The following KIFAP3 variants were observed in gnomAD, a reference collection of about 807,000 sequenced individuals.
KIFAP3 encodes kinesin associated protein 3, also known as kinesin-associated protein 3.
KIFAP3 carries 68 observed loss-of-function variants against 106.5 expected under a neutral mutation model. That is an observed-to-expected ratio of 0.64 (90% confidence interval 0.53 to 0.78). The LOEUF (loss-of-function observed/expected upper bound fraction) is 0.78. Among genes scored for constraint, KIFAP3 ranks in the 30% least tolerant of loss-of-function variants. KIFAP3 has a pLI of 0.00. For missense variants in KIFAP3, 780 were observed against 941.8 expected, an observed-to-expected ratio of 0.83 and a Z score of 2.25; for synonymous variants, 320 against 311.5, an observed-to-expected ratio of 1.03 and a Z score of -0.29.
At chr1:169,940,599 G>T (rs598763) in intron 19 of KIFAP3, among the ~76,000 whole-genome samples, 142,255 of 152,118 alleles carry the variant, frequency 0.94, 66,605 homozygotes, top group East Asian at 0.99. Context: ...GGGTTTGTGC[G>T]CCTATAAGAA....
chr1:170,005,874 A>AC (rs1667932705), intron 10 of KIFAP3, among the ~76,000 whole-genome samples: 1 of 151,886 alleles, frequency 6.6e-6, no homozygotes, highest in African/African-American at 2.4e-5. Flanking sequence ...AAAATTAAAA[A>AC]AAAAACCCTG....
upstream of KIFAP3, chr1:170,074,710 C>T (rs1360294): frequency 0.13 from 179,741 of 1,393,458 alleles, 15,725 homozygotes; most frequent in African/African-American, 0.34. Context: ...CGGGCCGTCA[C>T]GACGCATGCG....
At chr1:170,016,953 A>C (rs1454680539) in intron 9 of KIFAP3, among the ~76,000 whole-genome samples, 1 of 152,206 alleles carries the variant, frequency 6.6e-6, no homozygotes. Flanking sequence ...GCCTTCAAGG[A>C]TTCCTCAGTA....
In KIFAP3 at chr1:170,040,767, C is replaced by T. The variant is rs143162314; in HGVS notation, c.320-1479G>A. 1.8e-4 allele frequency among the ~76,000 whole-genome samples: 28 copies of T among 151,912 alleles called. No homozygotes were observed. In the East Asian group the frequency reaches 5.0e-3, roughly 27 times the overall value. ...CCCTTGATAATATTTTCCTTATCTA[C>T]GTAGTACTTAACTGAATGCCAACTA... On this transcript the variant is annotated intron_variant, in intron 3 of 19. Transcript: ENST00000361580.
intron 17 of KIFAP3, among the ~76,000 whole-genome samples, chr1:169,968,058 C>T (rs1047702125): frequency 1.3e-5 from 2 of 151,806 alleles, no homozygotes; most frequent in African/African-American, 4.8e-5. Flanking sequence ...ACAAGGAGTA[C>T]ACCCTGGTGT....
chr1:169,951,551 G>A (rs1664732177), intron 19 of KIFAP3, among the ~76,000 whole-genome samples: 1 of 151,798 alleles, frequency 6.6e-6, no homozygotes, highest in African/African-American at 2.4e-5. Context: ...ACAGAATGGA[G>A]GAATAAAATG....
rs138348313 is a variant in KIFAP3 at position 169,930,010 on chromosome 1, T to G, written c.2274-8229A>C. On this transcript the variant is annotated intron_variant, in intron 19 of 19. Transcript: ENST00000361580. The stretch of plus-strand genomic sequence containing the variant: ...GATTTATTCTAAATGGTAAAGAAAT[T>G]CCATTTCATTGACTCTCCTCTAATT... Among the ~76,000 whole-genome samples, 1,175 of 152,272 alleles carry G rather than the reference T, an allele frequency of 7.7e-3. 24 individuals are homozygous for G. In the South Asian group the frequency reaches 0.08, roughly 10 times the overall value.
intron 17 of KIFAP3, among the ~76,000 whole-genome samples, chr1:169,963,466 A>T (rs888430610): frequency 6.6e-6 from 1 of 152,096 alleles, no homozygotes; most frequent in Non-Finnish European, 1.5e-5. Context: ...TTGGGTATAT[A>T]CCCAATAATG....
At chr1:169,925,134 A>C (rs1339375849) in intron 19 of KIFAP3, among the ~76,000 whole-genome samples, 1 of 152,110 alleles carries the variant, frequency 6.6e-6, no homozygotes, top group Middle Eastern at 3.2e-3. Flanking sequence ...CCCACATAAA[A>C]TGTGGTGTAT....
chr1:169,973,739 C>A (rs959475566), intron 16 of KIFAP3, among the ~76,000 whole-genome samples: 1 of 151,632 alleles, frequency 6.6e-6, no homozygotes, highest in African/African-American at 2.4e-5. Flanking sequence ...AGTCTATATT[C>A]TGTTAAATTA....
chr1:170,057,980 A>C (rs961245390), intron 1 of KIFAP3, among the ~76,000 whole-genome samples: 3 of 152,134 alleles, frequency 2.0e-5, no homozygotes, highest in Non-Finnish European at 4.4e-5. Flanking sequence ...ATTTTCTTTT[A>C]ATCTCAATGA....
At chr1:170,049,982 G>A (rs1488834935) in intron 2 of KIFAP3, among the ~76,000 whole-genome samples, 3 of 152,178 alleles carry the variant, frequency 2.0e-5, no homozygotes, top group East Asian at 1.9e-4. Flanking sequence ...AAAACTGGAT[G>A]GAGAATGAGA....
chr1:169,931,286 A>G (rs541116473), intron 19 of KIFAP3, among the ~76,000 whole-genome samples: 1 of 152,250 alleles, frequency 6.6e-6, no homozygotes, highest in African/African-American at 2.4e-5. Flanking sequence ...TCTGGCTCAT[A>G]ATAGGCTTTC....
chr1:170,005,803 C>A (rs967648418), intron 10 of KIFAP3, among the ~76,000 whole-genome samples: 9 of 150,876 alleles, frequency 6.0e-5, no homozygotes, highest in African/African-American at 2.0e-4. Context: ...CACATGTATA[C>A]ATATGTAACA....
chr1:170,084,896 AT>A (rs1672079113), intron 1 of KIFAP3: 2 of 152,146 alleles, frequency 1.3e-5, no homozygotes, highest in African/African-American at 4.8e-5. Flanking sequence ...ACTTTCAGCA[AT>A]ATTCGTTTCT....
At position 170,035,557 on chromosome 1, in the gene KIFAP3, A is replaced by C. The variant is rs776167653; in HGVS notation, c.518-4T>G. The C allele has an allele frequency of 1.8e-5, 28 of 1,581,172 alleles. No homozygotes were observed. The highest frequency in any genetic ancestry group is 2.4e-5 in the Non-Finnish European group (28 of 1,159,750). ...GCTAATGCACCAAGGGCAGTTTCTA[A>C]AGAAAAAGGAGAGGTACCGAAACGA... is the stretch of plus-strand genomic sequence containing the variant. On this transcript the variant is annotated splice_polypyrimidine_tract_variant and splice_region_variant and intron_variant, in intron 5 of 19. Coordinates refer to ENST00000361580, the MANE Select transcript of KIFAP3 (RefSeq NM_014970.4).
At chr1:169,942,130 T>G (rs1433711727) in intron 19 of KIFAP3, among the ~76,000 whole-genome samples, 1 of 152,218 alleles carries the variant, frequency 6.6e-6, no homozygotes, top group Non-Finnish European at 1.5e-5. Flanking sequence ...CCTTAAGTAC[T>G]GTGGTGTCTT....
upstream of KIFAP3, among the ~76,000 whole-genome samples, chr1:170,079,505 G>T (rs1671980626): frequency 6.7e-6 from 1 of 149,116 alleles, no homozygotes; most frequent in African/African-American, 2.4e-5. Context: ...TTAATATAAT[G>T]GAATTCATGA....
intron 5 of KIFAP3, 152 bp downstream of exon 5, chr1:170,038,138 T>C (rs1669781022): frequency 1.6e-6 from 1 of 624,596 alleles, no homozygotes; most frequent in East Asian, 3.2e-5. Context: ...GTTTGTGAAT[T>C]CTCTGGAGAA....
Sources: allele counts gnomAD v4.1 joint callset (sites outside exome capture counted in the v4.1 genomes callset), GRCh38; gene constraint gnomAD v4.1.1; transcripts MANE v1.5; gene names NCBI Gene and HGNC (gene_info 2026-07-23, HGNC 2026-07-21).